The following FHIT variants were observed in gnomAD, a reference collection of about 807,000 sequenced individuals.
The protein encoded by FHIT is bis(5'-adenosyl)-triphosphatase.
FHIT carries 19 observed loss-of-function variants against 17.9 expected under a neutral mutation model. That is an observed-to-expected ratio of 1.06 (90% CI 0.74 to 1.56). The LOEUF is 1.56. Ranked by LOEUF, FHIT falls within the 40% of genes most tolerant of loss-of-function variation. The probability of loss-of-function intolerance (pLI) is 0.00; values close to 1 mark genes in which losing one functional copy is unlikely to be tolerated. For synonymous variants in FHIT, 81 were observed against 69.7 expected (o/e 1.16, Z -0.81); for missense variants, 248 against 189.2 (o/e 1.31, Z -1.82).
intron 4 of FHIT, among the ~76,000 whole-genome samples, chr3:60,577,371 T>G (rs2037605638): frequency 6.6e-6 from 1 of 152,128 alleles, no homozygotes; most frequent in Admixed American, 6.6e-5. Context: ...ATGCTCTCTT[T>G]TGGGTCAAAA....
At chr3:60,697,141 A>G (rs1553700808) in intron 4 of FHIT, among the ~76,000 whole-genome samples, 1 of 152,218 alleles carries the variant, frequency 6.6e-6, no homozygotes, top group African/African-American at 2.4e-5. Context: ...TACATGCAGT[A>G]TAATTCAATT....
At chr3:59,858,945 G>A (rs933127412) in intron 8 of FHIT, among the ~76,000 whole-genome samples, 5 of 152,122 alleles carry the variant, frequency 3.3e-5, no homozygotes, top group East Asian at 1.9e-4. Context: ...GGACTTATAT[G>A]TACATATTTC....
chr3:60,117,605 T>C (rs979590338), intron 5 of FHIT, among the ~76,000 whole-genome samples: 1 of 151,932 alleles, frequency 6.6e-6, no homozygotes, highest in Non-Finnish European at 1.5e-5. Context: ...AAAATGTGAA[T>C]TATGGTTAAG....
At chr3:59,875,297 G>A (rs1402721959) in intron 8 of FHIT, among the ~76,000 whole-genome samples, 1 of 152,200 alleles carries the variant, frequency 6.6e-6, no homozygotes, top group Non-Finnish European at 1.5e-5. Flanking sequence ...AGAGGTGCCA[G>A]CTGTTTCCCC....
intron 5 of FHIT, among the ~76,000 whole-genome samples, chr3:60,467,289 A>T: frequency 6.6e-6 from 1 of 151,776 alleles, no homozygotes; most frequent in East Asian, 1.9e-4. Context: ...TTTTTTCAAA[A>T]AAACAACTTT....
Position 60,999,483 on chromosome 3 carries a change from G to C in FHIT, c.-111+42564C>G, listed in dbSNP as rs145605777. 9.0e-4 allele frequency among the ~76,000 whole-genome samples: 135 copies of C among 149,988 alleles called. 2 individuals carry two copies. Among genetic ancestry groups the C allele is most frequent in the Admixed American group, 3.5e-3 (52 of 14,926 alleles). ...TGAAAGCAAATAGGATTACTATCTA[G>C]TATGGTCATCATAACATTTTTTAAA... On this transcript the variant is annotated intron_variant, in intron 3 of 9. Coordinates refer to ENST00000492590, the MANE Select transcript of FHIT (RefSeq NM_002012.4).
At chr3:59,884,415 C>G (rs1196188703) in intron 8 of FHIT, among the ~76,000 whole-genome samples, 1 of 152,056 alleles carries the variant, frequency 6.6e-6, no homozygotes, top group Non-Finnish European at 1.5e-5. Flanking sequence ...TTTACCAGCA[C>G]ACCACTGGAT....
At chr3:60,252,469 G>A (rs1451615430) in intron 5 of FHIT, among the ~76,000 whole-genome samples, 2 of 152,028 alleles carry the variant, frequency 1.3e-5, no homozygotes, top group African/African-American at 4.8e-5. Context: ...AAGGCTAGGT[G>A]GGAGGATCAC....
chr3:60,018,713 C>T (rs1186467995), intron 5 of FHIT, among the ~76,000 whole-genome samples: 1 of 152,196 alleles, frequency 6.6e-6, no homozygotes, highest in Non-Finnish European at 1.5e-5. Flanking sequence ...CGCAGTGGCT[C>T]ACGCCTGTAA....
intron 3 of FHIT, among the ~76,000 whole-genome samples, chr3:60,904,080 T>G (rs1013259968): frequency 6.6e-6 from 1 of 152,212 alleles, no homozygotes; most frequent in East Asian, 1.9e-4. Context: ...TTTCCAGCTT[T>G]GGTGCTTATC....
chr3:60,465,183 C>G (rs2032715873), intron 5 of FHIT, among the ~76,000 whole-genome samples: 1 of 152,060 alleles, frequency 6.6e-6, no homozygotes, highest in Admixed American at 6.6e-5. Flanking sequence ...TGAGAAATGT[C>G]TATCCAGATC....
At chr3:61,229,472 C>T (rs765917873) in intron 1 of FHIT, among the ~76,000 whole-genome samples, 1 of 152,154 alleles carries the variant, frequency 6.6e-6, no homozygotes, top group Non-Finnish European at 1.5e-5. Context: ...TTTAAGCCAC[C>T]AAATTTGTAG....
chr3:60,457,278 A>G (rs568226095), intron 5 of FHIT, among the ~76,000 whole-genome samples: 10 of 152,264 alleles, frequency 6.6e-5, no homozygotes, highest in East Asian at 1.9e-4. Context: ...ATAATGTCAC[A>G]TATCTACAAC....
intron 5 of FHIT, among the ~76,000 whole-genome samples, chr3:60,097,336 G>A (rs1420137550): frequency 6.6e-6 from 1 of 152,086 alleles, no homozygotes; most frequent in Non-Finnish European, 1.5e-5. Flanking sequence ...AAAATGAGCT[G>A]GGAATTTCCC....
chr3:59,758,475 C>T (rs896178880), intron 8 of FHIT, among the ~76,000 whole-genome samples: 2 of 152,164 alleles, frequency 1.3e-5, no homozygotes, highest in Non-Finnish European at 2.9e-5. Context: ...CCTACAAATG[C>T]AAAGCTGCAA....
chr3:60,489,355 G>C (rs1450698372), intron 5 of FHIT, among the ~76,000 whole-genome samples: 1 of 152,092 alleles, frequency 6.6e-6, no homozygotes, highest in Non-Finnish European at 1.5e-5. Flanking sequence ...TTCTGAGAAA[G>C]CAACAAAATC....
chr3:60,919,155 G>A (rs868979901), intron 3 of FHIT, among the ~76,000 whole-genome samples: 1 of 152,120 alleles, frequency 6.6e-6, no homozygotes, highest in South Asian at 2.1e-4. Flanking sequence ...CCTCATGTCA[G>A]GCTAAGGATT....
intron 5 of FHIT, among the ~76,000 whole-genome samples, chr3:60,360,255 G>A (rs1364085596): frequency 6.6e-6 from 1 of 151,200 alleles, no homozygotes; most frequent in African/African-American, 2.4e-5. Flanking sequence ...TTTTTGAGAT[G>A]GAGTCTCACT....
At chr3:59,844,873 C>T (rs868557712) in intron 8 of FHIT, among the ~76,000 whole-genome samples, 11 of 152,020 alleles carry the variant, frequency 7.2e-5, no homozygotes, top group African/African-American at 1.7e-4. Context: ...TGAAAAAGAT[C>T]GGTTTAGTTG....
Sources: gnomAD v4.1 joint callset for allele counts (sites outside exome capture counted in the v4.1 genomes callset) on GRCh38, gnomAD v4.1.1 for gene constraint, MANE v1.5 for transcripts, NCBI Gene and HGNC (gene_info 2026-07-23, HGNC 2026-07-21) for gene names.